Variants in HS6ST3 observed in about 807,000 individuals in gnomAD.
HS6ST3 encodes the protein heparan sulfate 6-O-sulfotransferase 3.
A neutral mutation model predicts 36.7 loss-of-function variants in HS6ST3; 12 were observed. The observed-to-expected ratio is 0.33, with a 90% CI of 0.21 to 0.53. The LOEUF is 0.53. HS6ST3 is among the 20% of genes least tolerant of loss of function. The pLI is 0.95. For synonymous variants in HS6ST3, 240 were observed against 257.5 expected (o/e 0.93, Z 0.65); for missense variants, 584 against 640.9 (o/e 0.91, Z 0.96).
In HS6ST3 at chr13:96,091,092, G is replaced by A. The variant is rs934765732; in HGVS notation, c.230G>A (p.Gly77Glu). ...RRPQLPPPPR[G>E]PPEGPRGAAA... ...CCCCAGTTGCCCCCGCCGCCCCGGGGGCCCCCCGAGGGACCTCGGGGGGCC... is the reference window on the plus strand; with the variant it reads ...CCCCAGTTGCCCCCGCCGCCCCGGGAGCCCCCCGAGGGACCTCGGGGGGCC... Residue 77 changes from glycine (G) to glutamate (E), a missense_variant, in exon 1 of 2, where the codon GGG (glycine) becomes GAG (glutamate). Physicochemically the swap from Gly to Glu is moderately conservative, Grantham distance 98. This residue lies in a region of HS6ST3 where 217 missense variants were observed against 205.4 expected (regional missense o/e 1.06). Transcript: ENST00000376705. 5.4e-6 allele frequency: 7 copies of A among 1,301,710 alleles called. No individual in the cohort carries two copies. The highest frequency in any genetic ancestry group is 6.8e-6 in the Non-Finnish European group (7 of 1,029,958). The allele number at this position is 1,301,710 out of a possible 1,614,324, so 80.6% of individuals were successfully genotyped here. A position where few individuals can be genotyped will look rare whatever the true frequency, so the allele number is the denominator to read the frequency against.
chr13:96,748,692 G>A (rs899235250), intron 1 of HS6ST3, among the ~76,000 whole-genome samples: 2 of 151,976 alleles, frequency 1.3e-5, no homozygotes, highest in Non-Finnish European at 2.9e-5. Context: ...AGTGTCACTT[G>A]AGTGCTTGAA....
At chr13:96,606,604 A>G (rs1594817061) in intron 1 of HS6ST3, among the ~76,000 whole-genome samples, 2 of 20,966 alleles carry the variant, frequency 9.5e-5, no homozygotes, top group Admixed American at 6.0e-4. Flanking sequence ...AGAGGGAGGG[A>G]GGGAGGGAGG....
intron 1 of HS6ST3, among the ~76,000 whole-genome samples, chr13:96,503,075 A>T (rs2056011866): frequency 6.6e-6 from 1 of 152,170 alleles, no homozygotes; most frequent in Non-Finnish European, 1.5e-5. Context: ...ATGAAAATTT[A>T]GTGAGCTTCA....
At chr13:96,381,120 A>G (rs2055338407) in intron 1 of HS6ST3, among the ~76,000 whole-genome samples, 1 of 152,236 alleles carries the variant, frequency 6.6e-6, no homozygotes, top group African/African-American at 2.4e-5. Context: ...TGCACAGGAT[A>G]GTAACACATG....
chr13:96,516,921 GT>G (rs1266966067), intron 1 of HS6ST3, among the ~76,000 whole-genome samples: 1 of 152,166 alleles, frequency 6.6e-6, no homozygotes, highest in Non-Finnish European at 1.5e-5. Flanking sequence ...CAGAGCTACG[GT>G]GAGGTTCAGG....
At chr13:96,615,507 A>G (rs777982566) in intron 1 of HS6ST3, among the ~76,000 whole-genome samples, 1 of 152,182 alleles carries the variant, frequency 6.6e-6, no homozygotes, top group Non-Finnish European at 1.5e-5. Flanking sequence ...CCCATTCATC[A>G]TCTGGATGTA....
intron 1 of HS6ST3, among the ~76,000 whole-genome samples, chr13:96,688,209 A>AT (rs1874840724): frequency 2.7e-5 from 1 of 36,966 alleles, no homozygotes; most frequent in African/African-American, 1.0e-4. Context: ...CCTAGAACTT[A>AT]AAGTATAATA....
intron 1 of HS6ST3, among the ~76,000 whole-genome samples, chr13:96,192,420 G>A (rs1036631524): frequency 9.9e-5 from 15 of 152,168 alleles, no homozygotes; most frequent in African/African-American, 3.6e-4. Context: ...TCCAATAGAC[G>A]CTTTTTCAAC....
intron 1 of HS6ST3, among the ~76,000 whole-genome samples, chr13:96,413,534 A>T (rs1218115013): frequency 6.6e-6 from 1 of 152,222 alleles, no homozygotes; most frequent in Non-Finnish European, 1.5e-5. Context: ...AAGATTGAGA[A>T]TTTGTAGAGG....
At chr13:96,592,774 A>G (rs1349943582) in intron 1 of HS6ST3, among the ~76,000 whole-genome samples, 1 of 152,096 alleles carries the variant, frequency 6.6e-6, no homozygotes, top group African/African-American at 2.4e-5. Flanking sequence ...CCTGGCCTGT[A>G]AGAGTTGCAC....
At chr13:96,389,218 C>T (rs78972232) in intron 1 of HS6ST3, among the ~76,000 whole-genome samples, 2,202 of 152,072 alleles carry the variant, frequency 0.014, 29 homozygotes, top group East Asian at 0.056. Flanking sequence ...GTTAACAAAA[C>T]TGTACGGGAC....
intron 1 of HS6ST3, among the ~76,000 whole-genome samples, chr13:96,393,476 AATT>A (rs1397418562): frequency 6.6e-6 from 1 of 152,352 alleles, no homozygotes; most frequent in Admixed American, 6.5e-5. Context: ...CTTTCTTAGT[AATT>A]ATTATCTTCA....
At chr13:96,589,570 A>G (rs1012974598) in intron 1 of HS6ST3, among the ~76,000 whole-genome samples, 1 of 151,758 alleles carries the variant, frequency 6.6e-6, no homozygotes, top group Admixed American at 6.6e-5. Flanking sequence ...CTTCCTTCTT[A>G]TAACCTCTGG....
intron 1 of HS6ST3, among the ~76,000 whole-genome samples, chr13:96,649,299 G>A (rs145099384): frequency 2.1e-3 from 320 of 152,116 alleles, no homozygotes; most frequent in African/African-American, 7.1e-3. Flanking sequence ...GTGGCAGCAA[G>A]GAGAAGTACA....
At chr13:96,492,690 G>C (rs559961784) in intron 1 of HS6ST3, among the ~76,000 whole-genome samples, 2 of 152,232 alleles carry the variant, frequency 1.3e-5, no homozygotes, top group South Asian at 4.1e-4. Flanking sequence ...ACTCCTCCAG[G>C]ACTTTTAAAC....
intron 1 of HS6ST3, among the ~76,000 whole-genome samples, chr13:96,408,784 A>G (rs2055491795): frequency 6.6e-6 from 1 of 151,994 alleles, no homozygotes; most frequent in African/African-American, 2.4e-5. Context: ...TTAGCCAGGC[A>G]TGGTGGTGGG....
In HS6ST3 at chr13:96,833,675, C is replaced by G. The variant is rs1202416252; in HGVS notation, c.*477C>G. On this transcript the variant is annotated 3_prime_UTR_variant, in exon 2 of 2. Coordinates refer to ENST00000376705, the MANE Select transcript of HS6ST3 (RefSeq NM_153456.4). Reference sequence around the variant, plus strand: ...AAACATTTCAGCCCTTAGATGAGGTCTTACACCAACCCCCACTTGGCTGTT... The same window carrying G: ...AAACATTTCAGCCCTTAGATGAGGTGTTACACCAACCCCCACTTGGCTGTT... 6.5e-6 allele frequency: 1 copy of G among 154,612 alleles called. No individual in the cohort carries two copies. Among genetic ancestry groups the G allele is most frequent in the East Asian group, 1.9e-4 (1 of 5,230 alleles). The allele number at this position is 154,612 out of a possible 1,614,324, so 9.6% of individuals were successfully genotyped here.
At chr13:96,348,388 G>A (rs765330362) in intron 1 of HS6ST3, among the ~76,000 whole-genome samples, 5 of 152,190 alleles carry the variant, frequency 3.3e-5, no homozygotes, top group Non-Finnish European at 7.3e-5. Flanking sequence ...GGGTTGTGTC[G>A]TATTTAGAGG....
At chr13:96,274,839 TCACACACACACACACACACACACA>T (rs60430769) in intron 1 of HS6ST3, among the ~76,000 whole-genome samples, 35 of 126,184 alleles carry the variant, frequency 2.8e-4, no homozygotes, top group East Asian at 1.2e-3. Context: ...ACTTAGTCCT[TCACACACACACACACACACACACA>T]CACACACACA....
Sources: gnomAD v4.1 joint callset for allele counts (sites outside exome capture counted in the v4.1 genomes callset) on GRCh38, gnomAD v4.1.1 for gene constraint, gnomAD v4.1.1 regional missense constraint, MANE v1.5 for transcripts, NCBI Gene and HGNC (gene_info 2026-07-23, HGNC 2026-07-21) for gene names.